The following DRC9 variants were observed in gnomAD, a reference collection of about 807,000 sequenced individuals.
DRC9 encodes dynein regulatory complex protein 9.
the DRC9 span, among the ~76,000 whole-genome samples, chr3:197,914,280 T>C: frequency 1.3e-5 from 2 of 152,184 alleles, no homozygotes; most frequent in South Asian, 4.1e-4. Flanking sequence ...CCCAGGCACA[T>C]TATTGCTGTA....
At chr3:197,948,285 T>G in the DRC9 span, among the ~76,000 whole-genome samples, 1 of 152,220 alleles carries the variant, frequency 6.6e-6, no homozygotes, top group African/African-American at 2.4e-5. Flanking sequence ...GGTCATCACC[T>G]GCAGTTTGAA....
the DRC9 span, among the ~76,000 whole-genome samples, chr3:197,941,431 C>A: frequency 0.019 from 675 of 35,876 alleles, 13 homozygotes; most frequent in African/African-American, 0.035. Context: ...CCTCTCCCAT[C>A]CCCCTCCCTC....
the DRC9 span, among the ~76,000 whole-genome samples, chr3:197,894,234 C>T: frequency 6.6e-6 from 1 of 152,170 alleles, no homozygotes; most frequent in Non-Finnish European, 1.5e-5. Context: ...CTATTACAGT[C>T]ATAGTACAAA....
chr3:197,925,620 G>T, the DRC9 span, among the ~76,000 whole-genome samples: 3 of 139,322 alleles, frequency 2.2e-5, no homozygotes, highest in Non-Finnish European at 3.0e-5. Context: ...ACGGAATCTC[G>T]CTCTGTCACC....
the DRC9 span, among the ~76,000 whole-genome samples, chr3:197,931,380 G>C: frequency 6.6e-6 from 1 of 151,970 alleles, no homozygotes; most frequent in Non-Finnish European, 1.5e-5. Flanking sequence ...TACTTCGGAG[G>C]CTGAGGCAGG....
the DRC9 span, chr3:197,913,508 A>C: frequency 2.9e-6 from 1 of 342,910 alleles, no homozygotes; most frequent in Non-Finnish European, 5.5e-6. Flanking sequence ...GGAGGAGTGA[A>C]AGGTACTGGT....
chr3:197,932,605 T>C, the DRC9 span, among the ~76,000 whole-genome samples: 59,422 of 150,400 alleles, frequency 0.4, 16,307 homozygotes, highest in African/African-American at 0.79. Context: ...TGCACTCCAG[T>C]CTGGCAACAG....
the DRC9 span, chr3:197,950,273 T>A: frequency 8.1e-7 from 1 of 1,230,400 alleles, no homozygotes; most frequent in Non-Finnish European, 1.0e-6. Flanking sequence ...CGGAGTAGGT[T>A]TGTTCCTGTG....
chr3:197,889,783 G>A, the DRC9 span: 6 of 1,566,430 alleles, frequency 3.8e-6, no homozygotes, highest in Non-Finnish European at 4.4e-6. Context: ...TCCACATAAA[G>A]GGACTGTTGA....
chr3:197,947,741 G>A, the DRC9 span, among the ~76,000 whole-genome samples: 1 of 152,148 alleles, frequency 6.6e-6, no homozygotes, highest in Non-Finnish European at 1.5e-5. Flanking sequence ...AGAGAAGTGA[G>A]ATCAGACATT....
At chr3:197,938,980 C>T in the DRC9 span, 1 of 573,566 alleles carries the variant, frequency 1.7e-6, no homozygotes, top group Non-Finnish European at 3.1e-6. Flanking sequence ...CTCCGTCATT[C>T]CCCAACTTAC....
chr3:197,951,516 C>T, the DRC9 span: 1 of 569,340 alleles, frequency 1.8e-6, no homozygotes, highest in Admixed American at 3.0e-5. Context: ...CCACGCCCGG[C>T]TAGTTTTTGT....
the DRC9 span, among the ~76,000 whole-genome samples, chr3:197,893,009 T>C: frequency 6.6e-6 from 1 of 152,172 alleles, no homozygotes; most frequent in Non-Finnish European, 1.5e-5. Context: ...TATACATAAC[T>C]GTTCATCAAA....
chr3:197,895,583 A>G, the DRC9 span, among the ~76,000 whole-genome samples: 5 of 152,140 alleles, frequency 3.3e-5, no homozygotes, highest in African/African-American at 4.8e-5. Flanking sequence ...ACTAATTTCT[A>G]TTTATGGAAG....
chr3:197,917,591 G>T, the DRC9 span, among the ~76,000 whole-genome samples: 1 of 152,164 alleles, frequency 6.6e-6, no homozygotes, highest in Admixed American at 6.5e-5. Flanking sequence ...ATCCTGCCCA[G>T]GCTGGAGTGC....
At chr3:197,950,183 C>T in the DRC9 span, 4 of 1,231,746 alleles carry the variant, frequency 3.2e-6, no homozygotes, top group South Asian at 1.2e-4. Context: ...CGCGGCGGGG[C>T]CTCGTCCTTC....
At chr3:197,954,303 T>C in the DRC9 span, 2 of 769,906 alleles carry the variant, frequency 2.6e-6, no homozygotes, top group Non-Finnish European at 4.5e-6. Flanking sequence ...AGATAGTAAT[T>C]GAAAGAATTA....
At chr3:197,950,212 T>G in the DRC9 span, 3 of 1,231,376 alleles carry the variant, frequency 2.4e-6, no homozygotes, top group Non-Finnish European at 3.0e-6. Flanking sequence ...CCATCTTGGC[T>G]CCTGTGGAGG....
the DRC9 span, among the ~76,000 whole-genome samples, chr3:197,918,322 T>G: frequency 2.1e-5 from 3 of 145,188 alleles, no homozygotes; most frequent in Non-Finnish European, 4.5e-5. Flanking sequence ...CAGGCTGGTC[T>G]CAAACTCCTG....
Sources: gnomAD v4.1 joint callset for allele counts (sites outside exome capture counted in the v4.1 genomes callset) on GRCh38, gnomAD v4.1.1 for gene constraint, MANE v1.5 for transcripts, NCBI Gene and HGNC (gene_info 2026-07-23, HGNC 2026-07-21) for gene names.